The following ADGRL3 variants were observed in gnomAD, a reference collection of about 807,000 sequenced individuals.
The protein encoded by ADGRL3 is adhesion G protein-coupled receptor L3, also known as calcium-independent alpha-latrotoxin receptor 3.
In ADGRL3, 62 loss-of-function variants were observed where a neutral mutation model predicts 153.5. That is an observed-to-expected ratio of 0.40 (90% CI 0.33 to 0.50). ADGRL3 has a LOEUF of 0.50. Ranked by LOEUF, ADGRL3 falls within the 20% of genes least tolerant of loss-of-function variation. ADGRL3 has a pLI of 0.47. For missense variants in ADGRL3, 1,641 were observed against 1,859.4 expected (o/e 0.88, Z 2.16); for synonymous variants, 710 against 672.5 (o/e 1.06, Z -0.86).
At chr4:61,522,060 G>A (rs1406692698) in intron 4 of ADGRL3, among the ~76,000 whole-genome samples, 2 of 152,038 alleles carry the variant, frequency 1.3e-5, no homozygotes, top group African/African-American at 2.4e-5. Flanking sequence ...TCATTCAATC[G>A]TTCCTTCTAC....
intron 5 of ADGRL3, among the ~76,000 whole-genome samples, chr4:61,603,526 T>A (rs1028116163): frequency 6.6e-6 from 1 of 152,136 alleles, no homozygotes; most frequent in African/African-American, 2.4e-5. Context: ...GGATCAGAGT[T>A]CTCCTTTGCT....
chr4:61,875,140 T>G (rs1202218565), intron 9 of ADGRL3, among the ~76,000 whole-genome samples: 1 of 152,148 alleles, frequency 6.6e-6, no homozygotes, highest in African/African-American at 2.4e-5. Flanking sequence ...CACACAAAAT[T>G]GCCTAGTTTT....
At chr4:61,529,716 A>C (rs992709415) in intron 4 of ADGRL3, among the ~76,000 whole-genome samples, 3 of 152,040 alleles carry the variant, frequency 2.0e-5, no homozygotes, top group African/African-American at 7.2e-5. Flanking sequence ...AAGACTATTC[A>C]AGACCAGTTT....
At chr4:61,435,667 A>T (rs1403323399) in intron 2 of ADGRL3, among the ~76,000 whole-genome samples, 5 of 152,114 alleles carry the variant, frequency 3.3e-5, no homozygotes, top group African/African-American at 9.7e-5. Context: ...GTTACCTTTC[A>T]CGGGGACAAT....
At chr4:61,270,855 T>C (rs546948804) in intron 1 of ADGRL3, among the ~76,000 whole-genome samples, 1 of 151,848 alleles carries the variant, frequency 6.6e-6, no homozygotes, top group Non-Finnish European at 1.5e-5. Flanking sequence ...GAAGACCTGA[T>C]ACTGTTGTTT....
At chr4:61,522,802 C>T (rs191006357) in intron 4 of ADGRL3, among the ~76,000 whole-genome samples, 2 of 152,224 alleles carry the variant, frequency 1.3e-5, no homozygotes, top group East Asian at 1.9e-4. Flanking sequence ...CATCACCTCA[C>T]GTCTTATCCT....
At chr4:61,508,792 T>C (rs1222184289) in intron 3 of ADGRL3, among the ~76,000 whole-genome samples, 1 of 152,152 alleles carries the variant, frequency 6.6e-6, no homozygotes, top group African/African-American at 2.4e-5. Flanking sequence ...TTCATGCTGC[T>C]GATAAAGACA....
intron 9 of ADGRL3, among the ~76,000 whole-genome samples, chr4:61,821,249 T>C (rs1424008375): frequency 6.6e-6 from 1 of 150,756 alleles, no homozygotes; most frequent in African/African-American, 2.4e-5. Flanking sequence ...GCCATACTAA[T>C]GATGCTATTT....
intron 25 of ADGRL3, among the ~76,000 whole-genome samples, chr4:62,066,539 A>T (rs923841789): frequency 2.6e-5 from 4 of 152,082 alleles, no homozygotes; most frequent in Non-Finnish European, 5.9e-5. Context: ...CTGGACCATT[A>T]TCTTCTTGTC....
Position 61,948,209 on chromosome 4 carries a change from C to CACA in ADGRL3, c.2739_2741dup (p.Thr913_His914insGln). On this transcript the variant is annotated inframe_insertion, in exon 17 of 27. Coordinates refer to ENST00000683033, the MANE Select transcript of ADGRL3 (RefSeq NM_001387552.1). ...TGTCGGCTCCTGACAACAAATAAGA[C>CACA]ACATACTACATGCTCTTGTAACCAC... 1 of 1,613,820 alleles carries CACA rather than the reference C, an allele frequency of 6.2e-7. No individual in the cohort carries two copies. Among genetic ancestry groups the CACA allele is most frequent in the East Asian group, 2.2e-5 (1 of 44,856 alleles).
chr4:61,466,049 G>A (rs187214087), intron 2 of ADGRL3, among the ~76,000 whole-genome samples: 74 of 151,962 alleles, frequency 4.9e-4, no homozygotes, highest in Admixed American at 3.0e-3. Context: ...TTGAACTCGG[G>A]AGGCGGATGT....
chr4:61,992,429 T>G (rs1347353423), intron 19 of ADGRL3, among the ~76,000 whole-genome samples: 1 of 152,212 alleles, frequency 6.6e-6, no homozygotes, highest in Non-Finnish European at 1.5e-5. Context: ...ACAGCCACAG[T>G]GAACTGGGAC....
intron 4 of ADGRL3, among the ~76,000 whole-genome samples, chr4:61,568,068 TA>T (rs756240373): frequency 2.6e-5 from 4 of 152,172 alleles, no homozygotes; most frequent in South Asian, 2.1e-4. Context: ...TAGTGCCTTA[TA>T]TTTTTTTCTC....
rs576422653 is a variant in ADGRL3 at position 61,246,860 on chromosome 4, C to T, written c.-240+45095C>T. Among the ~76,000 whole-genome samples the T allele has an allele frequency of 4.0e-5, 6 of 151,784 alleles. No individual in the cohort carries two copies. In the South Asian group the frequency reaches 1.2e-3, roughly 31 times the overall value. On this transcript the variant is annotated intron_variant, in intron 1 of 26. Coordinates refer to ENST00000683033, the MANE Select transcript of ADGRL3 (RefSeq NM_001387552.1). ...TATATATATGGGGGGAAGGGGATGG[C>T]TCAGAATTGGAATAAATGCTAAGAT...
chr4:61,283,375 T>C (rs1407906128), intron 1 of ADGRL3, among the ~76,000 whole-genome samples: 4 of 152,088 alleles, frequency 2.6e-5, no homozygotes, highest in Non-Finnish European at 5.9e-5. Flanking sequence ...CTGAGAGTTT[T>C]TCAGGGAGCT....
intron 18 of ADGRL3, among the ~76,000 whole-genome samples, chr4:61,980,735 C>T (rs761131407): frequency 6.6e-6 from 1 of 152,176 alleles, no homozygotes; most frequent in Non-Finnish European, 1.5e-5. Context: ...GGCACCATGC[C>T]TGGCCAAGGC....
intron 5 of ADGRL3, among the ~76,000 whole-genome samples, chr4:61,589,724 G>A (rs2098961671): frequency 6.6e-6 from 1 of 152,038 alleles, no homozygotes; most frequent in African/African-American, 2.4e-5. Flanking sequence ...TTGCTTCAGA[G>A]TGATGCAGTA....
At chr4:61,487,593 C>T (rs2098210962) in intron 2 of ADGRL3, among the ~76,000 whole-genome samples, 1 of 152,052 alleles carries the variant, frequency 6.6e-6, no homozygotes, top group Admixed American at 6.5e-5. Flanking sequence ...GTGTAGCTTA[C>T]TTGCCTTTCC....
chr4:61,471,887 T>C (rs2097959823), intron 2 of ADGRL3, among the ~76,000 whole-genome samples: 2 of 151,936 alleles, frequency 1.3e-5, no homozygotes, highest in Admixed American at 1.3e-4. Context: ...ATTACAGAAG[T>C]AGAAGGAAAT....
Sources: allele counts gnomAD v4.1 joint callset (sites outside exome capture counted in the v4.1 genomes callset), GRCh38; gene constraint gnomAD v4.1.1; transcripts MANE v1.5; gene names NCBI Gene and HGNC (gene_info 2026-07-23, HGNC 2026-07-21).